Variants in ACVR1C observed in about 807,000 individuals in gnomAD.
ACVR1C encodes activin A receptor type 1C.
Under a neutral mutation model 57.9 loss-of-function variants are expected in ACVR1C, and 23 were observed. That is an observed-to-expected ratio of 0.40 (90% confidence interval 0.29 to 0.56). The LOEUF (loss-of-function observed/expected upper bound fraction) is 0.56. ACVR1C is among the 20% of genes least tolerant of loss of function. ACVR1C has a pLI of 0.50. For missense variants in ACVR1C, 480 were observed against 607.9 expected (o/e 0.79, Z 2.21); for synonymous variants, 214 against 215.3 (o/e 0.99, Z 0.05).
chr2:157,560,974 T>A (rs2105229521), intron 2 of ACVR1C, among the ~76,000 whole-genome samples: 1 of 152,256 alleles, frequency 6.6e-6, no homozygotes, highest in East Asian at 1.9e-4. Flanking sequence ...ATCAGCTGAC[T>A]AAAAACCAAG....
chr2:157,589,864 C>A (rs1295980199), intron 1 of ACVR1C, among the ~76,000 whole-genome samples: 2 of 151,742 alleles, frequency 1.3e-5, no homozygotes, highest in Admixed American at 1.3e-4. Context: ...TTAGAGAATC[C>A]AGAAATAAAG....
intron 1 of ACVR1C, among the ~76,000 whole-genome samples, chr2:157,600,051 G>A (rs1558992957): frequency 6.6e-6 from 1 of 152,150 alleles, no homozygotes; most frequent in East Asian, 1.9e-4. Flanking sequence ...GGCATCAATG[G>A]CCACCATCCA....
intron 3 of ACVR1C, among the ~76,000 whole-genome samples, chr2:157,553,778 G>C (rs1175992288): frequency 6.6e-6 from 1 of 152,144 alleles, no homozygotes; most frequent in Non-Finnish European, 1.5e-5. Context: ...ATAAATCAGA[G>C]GTCTCTGTGC....
chr2:157,586,910 T>G (rs1688935731), intron 2 of ACVR1C, among the ~76,000 whole-genome samples: 1 of 152,134 alleles, frequency 6.6e-6, no homozygotes, highest in Admixed American at 6.6e-5. Context: ...AAATTTACAT[T>G]TGACTTTAGG....
intron 1 of ACVR1C, among the ~76,000 whole-genome samples, chr2:157,608,461 C>T (rs191185443): frequency 2.0e-5 from 3 of 151,632 alleles, no homozygotes; most frequent in Non-Finnish European, 3.0e-5. Flanking sequence ...TTGGTTGTGT[C>T]GTTGTCTAGG....
At chr2:157,577,380 G>A (rs1168358715) in intron 2 of ACVR1C, among the ~76,000 whole-genome samples, 3 of 151,768 alleles carry the variant, frequency 2.0e-5, no homozygotes, top group Non-Finnish European at 2.9e-5. Flanking sequence ...CGAGATTGTG[G>A]ACTTCTCTAT....
chr2:157,554,899 G>A (rs2105223477), intron 3 of ACVR1C, among the ~76,000 whole-genome samples: 1 of 151,732 alleles, frequency 6.6e-6, no homozygotes, highest in East Asian at 1.9e-4. Flanking sequence ...TGAGCTGGCA[G>A]GATTTCTGGA....
chr2:157,626,932 G>A lies in ACVR1C; in HGVS notation c.73+1640C>T, dbSNP rs575412587. Among the ~76,000 whole-genome samples, 18 of 152,170 alleles carry A rather than the reference G, an allele frequency of 1.2e-4. No individual in the cohort carries two copies. In the South Asian group the frequency reaches 3.7e-3, roughly 32 times the overall value. On this transcript the variant is annotated intron_variant, in intron 1 of 8. Transcript: ENST00000243349. ...AAATTTTAAGTGAGCGACTTTGAAT[G>A]GATTATCTTTTTTTTATTTTTTGCA...
chr2:157,528,815 T>C lies in ACVR1C; in HGVS notation c.*5103A>G, dbSNP rs1223536791. 6.6e-6 allele frequency: 1 copy of C among 152,198 alleles called. No homozygotes were observed. The highest frequency in any genetic ancestry group is 2.4e-5 in the African/African-American group (1 of 41,458). The allele number at this position is 152,198 out of a possible 1,614,324, so 9.4% of individuals were successfully genotyped here. On this transcript the variant is annotated 3_prime_UTR_variant, in exon 9 of 9. Transcript: ENST00000243349. ...TTTTTAGGTTTTAAAAGAAAAATCA[T>C]CTCTGCCATTAACAAATACTCTATA...
intron 3 of ACVR1C, among the ~76,000 whole-genome samples, 158 bp from the exon 4 acceptor site, chr2:157,550,550 A>G (rs75766636): frequency 0.015 from 2,220 of 152,328 alleles, 63 homozygotes; most frequent in African/African-American, 0.05. Flanking sequence ...AACTTATTTA[A>G]TGTCAAAGCA....
chr2:157,568,087 C>T lies in ACVR1C; in HGVS notation c.305-11755G>A, dbSNP rs1267665690. ...CAACATTCTTAAAGAATTTTCAACC[C>T]AGAATTTCATATCCAGCCAAACTAA... On this transcript the variant is annotated intron_variant, in intron 2 of 8. Transcript: ENST00000243349. Among the ~76,000 whole-genome samples the T allele has an allele frequency of 2.3e-4, 35 of 150,818 alleles. No homozygotes were observed. In the South Asian group the frequency reaches 6.8e-3, roughly 29 times the overall value.
At position 157,526,839 on chromosome 2, in the gene ACVR1C, T is replaced by C. The variant is rs2105191005; in HGVS notation, c.*7079A>G. The C allele has an allele frequency of 6.6e-6, 1 of 152,350 alleles. No homozygotes were observed. Among genetic ancestry groups the C allele is most frequent in the East Asian group, 1.9e-4 (1 of 5,190 alleles). 9.4% of individuals were successfully genotyped at this position (152,350 alleles called of 1,614,324 possible). A position where few individuals can be genotyped will look rare whatever the true frequency, so the allele number is the denominator to read the frequency against. ...GAAACAAGTGCAAGAAGTGCTTGAT[T>C]TATTATCTTTCCCACTTTACAAAAC... On this transcript the variant is annotated 3_prime_UTR_variant, in exon 9 of 9. Coordinates refer to ENST00000243349, the MANE Select transcript of ACVR1C (RefSeq NM_145259.3).
At chr2:157,576,364 C>A (rs886573155) in intron 2 of ACVR1C, among the ~76,000 whole-genome samples, 2 of 151,976 alleles carry the variant, frequency 1.3e-5, no homozygotes, top group Non-Finnish European at 2.9e-5. Flanking sequence ...AGCCACCATG[C>A]CCCGCTAATT....
intron 1 of ACVR1C, among the ~76,000 whole-genome samples, chr2:157,607,223 T>C (rs1353321975): frequency 1.3e-5 from 2 of 151,952 alleles, no homozygotes; most frequent in African/African-American, 4.8e-5. Flanking sequence ...AGCCTTCCAA[T>C]ATGTTTTGAA....
At chr2:157,579,854 T>G (rs1288760148) in intron 2 of ACVR1C, among the ~76,000 whole-genome samples, 1 of 152,240 alleles carries the variant, frequency 6.6e-6, no homozygotes, top group Non-Finnish European at 1.5e-5. Flanking sequence ...ATGTCCTGGC[T>G]GATACATTTT....
chr2:157,605,770 C>A (rs923949148), intron 1 of ACVR1C, among the ~76,000 whole-genome samples: 5 of 151,610 alleles, frequency 3.3e-5, no homozygotes, highest in African/African-American at 1.2e-4. Flanking sequence ...TATCTATCAC[C>A]TTGAGATTTA....
chr2:157,595,940 T>C (rs142741861), intron 1 of ACVR1C, among the ~76,000 whole-genome samples: 1 of 152,376 alleles, frequency 6.6e-6, no homozygotes, highest in East Asian at 1.9e-4. Flanking sequence ...CTTCCTGCTA[T>C]GTATCACAAT....
chr2:157,552,072 T>C (rs983397620), intron 3 of ACVR1C, among the ~76,000 whole-genome samples: 1 of 152,226 alleles, frequency 6.6e-6, no homozygotes, highest in Admixed American at 6.5e-5. Flanking sequence ...TGATCTTCAG[T>C]GCAAACTGTT....
intron 7 of ACVR1C, among the ~76,000 whole-genome samples, 169 bp from the exon 8 acceptor site, chr2:157,538,872 C>T (rs1460124908): frequency 2.6e-5 from 4 of 151,386 alleles, no homozygotes; most frequent in Non-Finnish European, 4.4e-5. Context: ...AAGTTTAAAT[C>T]ATCCAGTTGA....
Sources: allele counts gnomAD v4.1 joint callset (sites outside exome capture counted in the v4.1 genomes callset), GRCh38; gene constraint gnomAD v4.1.1; transcripts MANE v1.5; gene names NCBI Gene and HGNC (gene_info 2026-07-23, HGNC 2026-07-21).